Variants in CALML4 observed in about 807,000 individuals in gnomAD.
The protein encoded by CALML4 is calmodulin-like protein 4.
Under a neutral mutation model 17.9 loss-of-function variants are expected in CALML4, and 16 were observed. The observed-to-expected ratio is 0.89, with a 90% CI of 0.61 to 1.36. The LOEUF (loss-of-function observed/expected upper bound fraction) is 1.36, where lower values mean the gene tolerates loss of function less well. Among genes scored for constraint, CALML4 ranks in the 40% most tolerant of loss-of-function variants. The probability of loss-of-function intolerance (pLI) is 0.00; values close to 1 mark genes in which losing one functional copy is unlikely to be tolerated. For synonymous variants in CALML4, 86 were observed against 71.5 expected (o/e 1.20, Z -1.02); for missense variants, 203 against 194.8 (o/e 1.04, Z -0.25).
At chr15:68,203,746 G>A (rs544505628) in intron 2 of CALML4, among the ~76,000 whole-genome samples, 1 of 152,282 alleles carries the variant, frequency 6.6e-6, no homozygotes, top group South Asian at 2.1e-4. Flanking sequence ...TGAGAAAACC[G>A]AGGCTCAAGG....
intron 4 of CALML4, among the ~76,000 whole-genome samples, chr15:68,194,609 C>A (rs1185530793): frequency 6.6e-6 from 1 of 152,054 alleles, no homozygotes; most frequent in Non-Finnish European, 1.5e-5. Context: ...GTCTTGAACT[C>A]CTGACCTCAG....
Position 68,193,721 on chromosome 15 carries a change from C to A in CALML4, c.*294G>T. Reference sequence around the variant, plus strand: ...ATTTGCCCAAAGTCACAGTGGGAAGCAGCAGAGCCAGGACTGGAACCCAGG... The same window carrying A: ...ATTTGCCCAAAGTCACAGTGGGAAGAAGCAGAGCCAGGACTGGAACCCAGG... On this transcript the variant is annotated 3_prime_UTR_variant, in exon 5 of 5. Transcript: ENST00000467889. The A allele has an allele frequency of 3.2e-6, 1 of 314,552 alleles. No individual in the cohort carries two copies. Among genetic ancestry groups the A allele is most frequent in the South Asian group, 5.3e-5 (1 of 18,950 alleles). 19.5% of individuals were successfully genotyped at this position (314,552 alleles called of 1,614,324 possible).
intron 4 of CALML4, among the ~76,000 whole-genome samples, chr15:68,194,392 T>C (rs1328559628): frequency 6.6e-6 from 1 of 151,680 alleles, no homozygotes. Flanking sequence ...TGCTTTTTTT[T>C]TTTTTTTTTT....
At position 68,191,254 on chromosome 15, in the gene CALML4, T is replaced by C. The variant is rs1183732147; in HGVS notation, c.*2761A>G. On this transcript the variant is annotated 3_prime_UTR_variant, in exon 5 of 5. Transcript: ENST00000467889. The stretch of plus-strand genomic sequence containing the variant: ...TCCATGAACTTAAATCTGTGATTCA[T>C]TGCCTTAAAACTTTCTCTCTTAGAA... 1 of 152,774 alleles carries C rather than the reference T, an allele frequency of 6.5e-6. No homozygotes were observed. The highest frequency in any genetic ancestry group is 2.4e-5 in the African/African-American group (1 of 41,586). The allele number at this position is 152,774 out of a possible 1,614,324, so 9.5% of individuals were successfully genotyped here. A position where few individuals can be genotyped will look rare whatever the true frequency, so the allele number is the denominator to read the frequency against.
rs919819476 is a variant in CALML4 at position 68,197,917 on chromosome 15, T to C, written c.176-289A>G. On this transcript the variant is annotated intron_variant, in intron 3 of 4. Coordinates refer to ENST00000467889, the MANE Select transcript of CALML4 (RefSeq NM_033429.3). This position sits in a 1 kb window ranked among gnomAD's most constrained non-coding sequence, Gnocchi z 4.1. ...CCCAACCACAGATGGAGGACTGGGC[T>C]CCTCTGCTCCCTTCTAGCGCTTCCC... 5.3e-6 allele frequency: 2 copies of C among 373,918 alleles called. No individual in the cohort carries two copies. The highest frequency in any genetic ancestry group is 2.0e-5 in the African/African-American group (1 of 49,130). 23.2% of individuals were successfully genotyped at this position (373,918 alleles called of 1,614,324 possible).
chr15:68,199,943 T>C (rs1287965372), intron 2 of CALML4: 3 of 292,378 alleles, frequency 1.0e-5, no homozygotes, highest in African/African-American at 6.5e-5. Context: ...GGAAAAGTAT[T>C]TGTTGTTTGT....
chr15:68,199,214 G>GCTAACT (rs1363623293), intron 3 of CALML4, among the ~76,000 whole-genome samples: 3 of 152,060 alleles, frequency 2.0e-5, no homozygotes, highest in Non-Finnish European at 2.9e-5. Flanking sequence ...GGTTTTTGGA[G>GCTAACT]CTAAGCACAT....
Position 68,199,600 on chromosome 15 carries a change from C to T in CALML4, c.116G>A (p.Cys39Tyr), listed in dbSNP as rs762387704. 1.1e-5 allele frequency: 17 copies of T among 1,613,622 alleles called. No homozygotes were observed. The African/African-American group carries it at 2.1e-4, about 20-fold the overall frequency. Residue 39 changes from cysteine (C) to tyrosine (Y), a missense_variant, in exon 3 of 5, where the codon TGC (cysteine) becomes TAC (tyrosine). Coordinates refer to ENST00000467889, the MANE Select transcript of CALML4 (RefSeq NM_033429.3). ...CCCTGGCGTCGGGCTGGCCCCCAGGCACCTCATGGCCACCATGAGGTCGGT... is the reference window on the plus strand; with the variant it reads ...CCCTGGCGTCGGGCTGGCCCCCAGGTACCTCATGGCCACCATGAGGTCGGT... ...KATDLMVAMR[C>Y]LGASPTPGEV... is the part of the protein sequence containing the mutation.
intron 3 of CALML4, chr15:68,198,408 G>A (rs1405305730): frequency 6.6e-6 from 1 of 152,290 alleles, no homozygotes; most frequent in Non-Finnish European, 1.5e-5. Flanking sequence ...AGATGAGGAA[G>A]CTGGTGACCT....
upstream of CALML4, chr15:68,205,588 C>T (rs1255187205): frequency 1.7e-6 from 1 of 599,206 alleles, no homozygotes; most frequent in Non-Finnish European, 2.9e-6. This position sits in a 1 kb window ranked among gnomAD's most constrained non-coding sequence, Gnocchi z 4.8. Context: ...TCTTCTCTCT[C>T]TCTCCTGGGA....
At chr15:68,201,990 G>A (rs1250701219) in intron 2 of CALML4, among the ~76,000 whole-genome samples, 1 of 152,234 alleles carries the variant, frequency 6.6e-6, no homozygotes, top group African/African-American at 2.4e-5. Flanking sequence ...CCCCCTGTGA[G>A]GAAGGGATTT....
At chr15:68,195,639 C>T (rs920762075) in intron 4 of CALML4, among the ~76,000 whole-genome samples, 4 of 152,194 alleles carry the variant, frequency 2.6e-5, no homozygotes, top group Admixed American at 6.5e-5. Flanking sequence ...CAGGAGAAGG[C>T]TTCACCCACA....
At chr15:68,201,075 C>T (rs986993234) in intron 2 of CALML4, among the ~76,000 whole-genome samples, 1 of 152,198 alleles carries the variant, frequency 6.6e-6, no homozygotes, top group Non-Finnish European at 1.5e-5. Flanking sequence ...AATGAAGGCA[C>T]TCAGGCCTCC....
At chr15:68,198,735 A>G (rs1447225245) in intron 3 of CALML4, 1 of 152,000 alleles carries the variant, frequency 6.6e-6, no homozygotes. Context: ...TTTTTCTAGC[A>G]ATAGTTTTTC....
Position 68,191,317 on chromosome 15 carries a change from A to G in CALML4, c.*2698T>C, listed in dbSNP as rs1230094428. On this transcript the variant is annotated 3_prime_UTR_variant, in exon 5 of 5. Coordinates refer to ENST00000467889, the MANE Select transcript of CALML4 (RefSeq NM_033429.3). ...ATGCCAAACCAGTAAAATGGCTTTT[A>G]AAAATGTATAGTAGACAATGTCAGT... 1 of 152,688 alleles carries G rather than the reference A, an allele frequency of 6.5e-6. No individual in the cohort carries two copies. Among genetic ancestry groups the G allele is most frequent in the East Asian group, 1.9e-4 (1 of 5,204 alleles). The allele number at this position is 152,688 out of a possible 1,614,324, so 9.5% of individuals were successfully genotyped here.
At chr15:68,203,871 CAG>C (rs1308001283) in intron 2 of CALML4, among the ~76,000 whole-genome samples, 2 of 152,178 alleles carry the variant, frequency 1.3e-5, no homozygotes, top group Non-Finnish European at 2.9e-5. Flanking sequence ...TTCTTGGTGT[CAG>C]ATACTGGGAT....
intron 4 of CALML4, among the ~76,000 whole-genome samples, chr15:68,196,612 AGCTG>A (rs924798755): frequency 2.0e-5 from 3 of 151,604 alleles, no homozygotes; most frequent in African/African-American, 7.3e-5. Context: ...GCAGAGGCAG[AGCTG>A]GCTGGCTGGC....
chr15:68,205,329 G>A lies in CALML4; in HGVS notation c.-82C>T, dbSNP rs937878011. ...CCTTTCCTCCAGCCTCAAGTCTAAA[G>A]TCTGCCAAGCTGGGTGGAGGCCCGG... On this transcript the variant is annotated 5_prime_UTR_variant, in exon 1 of 5. Coordinates refer to ENST00000467889, the MANE Select transcript of CALML4 (RefSeq NM_033429.3). The surrounding 1 kb of genome is among the most constrained non-coding windows in gnomAD (Gnocchi z 4.8). The A allele has an allele frequency of 1.9e-6, 3 of 1,614,106 alleles. No homozygotes were observed. Among genetic ancestry groups the A allele is most frequent in the Non-Finnish European group, 2.5e-6 (3 of 1,180,032 alleles).
At chr15:68,198,866 T>G (rs747348955) in intron 3 of CALML4, among the ~76,000 whole-genome samples, 4 of 152,100 alleles carry the variant, frequency 2.6e-5, no homozygotes, top group Non-Finnish European at 4.4e-5. Context: ...GCTTGTAAAA[T>G]GGAGTTAGGA....
Sources: allele counts gnomAD v4.1 joint callset (sites outside exome capture counted in the v4.1 genomes callset), GRCh38; gene constraint gnomAD v4.1.1; non-coding constraint Gnocchi (gnomAD v3.1); transcripts MANE v1.5; gene names NCBI Gene and HGNC (gene_info 2026-07-23, HGNC 2026-07-21).